CELF2: variants seen among roughly 807,000 people sequenced by gnomAD.
CELF2 encodes the protein CUGBP Elav-like family member 2, also known as CUG triplet repeat RNA-binding protein 2.
CELF2 carries 8 observed loss-of-function variants against 62.6 expected under a neutral mutation model. That is an observed-to-expected ratio of 0.13 (90% confidence interval 0.07 to 0.23). CELF2 has a LOEUF of 0.23. Among genes scored for constraint, CELF2 ranks in the 10% least tolerant of loss-of-function variants. CELF2 has a pLI of 1.00. For missense variants in CELF2, 333 were observed against 671.0 expected, an observed-to-expected ratio of 0.50 and a Z score of 5.56; for synonymous variants, 258 against 250.0, an observed-to-expected ratio of 1.03 and a Z score of -0.30.
the CELF2 span, among the ~76,000 whole-genome samples, chr10:10,778,493 A>G: frequency 1.8e-4 from 28 of 152,226 alleles, no homozygotes; most frequent in Non-Finnish European, 1.8e-4. Flanking sequence ...ATGGGAGCTC[A>G]AAAAATAAAT....
In CELF2 at chr10:11,197,015, A is replaced by AG. The variant is rs1565229804; in HGVS notation, c.272-20409dup. On this transcript the variant is annotated intron_variant, in intron 2 of 12. Transcript: ENST00000633077. ...AAAGGAAGGAAGGAGAAAGAAAGAA[A>AG]GAAAGAAAGAAAAGAAAGAAAGAAA... Among the ~76,000 whole-genome samples the AG allele has an allele frequency of 1.1e-3, 14 of 12,508 alleles. 1 individual carries two copies. The highest frequency in any genetic ancestry group is 7.0e-3 in the African/African-American group (14 of 1,996). The allele number at this position is 12,508 out of a possible 152,430, so 8.2% of individuals were successfully genotyped here.
At chr10:11,222,959 A>G (rs1589324113) in intron 3 of CELF2, among the ~76,000 whole-genome samples, 1 of 152,294 alleles carries the variant, frequency 6.6e-6, no homozygotes, top group East Asian at 1.9e-4. Flanking sequence ...ACACCTGTGG[A>G]TGTCAGTCCA....
the CELF2 span, among the ~76,000 whole-genome samples, chr10:10,685,845 T>A: frequency 0.23 from 34,730 of 152,070 alleles, 4,166 homozygotes; most frequent in South Asian, 0.43. Context: ...AAGCTGACAT[T>A]TAGAAGGTGT....
intron 1 of CELF2, among the ~76,000 whole-genome samples, chr10:10,899,361 T>C (rs1464560309): frequency 6.6e-6 from 1 of 152,014 alleles, no homozygotes; most frequent in Non-Finnish European, 1.5e-5. Flanking sequence ...AGTTTATGAA[T>C]ATAGAAAATG....
chr10:10,574,872 GTTTT>G, the CELF2 span, among the ~76,000 whole-genome samples: 19 of 106,010 alleles, frequency 1.8e-4, no homozygotes, highest in East Asian at 2.5e-3. Context: ...ACCATGCCTG[GTTTT>G]TTTTTTTTTT....
Position 11,243,474 on chromosome 10 carries a change from C to T in CELF2, c.355-5679C>T, listed in dbSNP as rs1000117609. 1.3e-5 allele frequency among the ~76,000 whole-genome samples: 2 copies of T among 152,082 alleles called. No individual in the cohort carries two copies. Among genetic ancestry groups the T allele is most frequent in the Non-Finnish European group, 2.9e-5 (2 of 68,010 alleles). ...GTGAACTTGAAGAAATGTGTGACATCCCGTTTACTCCCATCAACAGGATCT... is the reference window on the plus strand; with the variant it reads ...GTGAACTTGAAGAAATGTGTGACATTCCGTTTACTCCCATCAACAGGATCT... On this transcript the variant is annotated intron_variant, in intron 3 of 12. Transcript: ENST00000633077. This position sits in a 1 kb window ranked among gnomAD's most constrained non-coding sequence, Gnocchi z 4.1.
the CELF2 span, among the ~76,000 whole-genome samples, chr10:10,664,978 G>A: frequency 6.6e-6 from 1 of 152,160 alleles, no homozygotes; most frequent in Non-Finnish European, 1.5e-5. Flanking sequence ...GCAGTGTGAA[G>A]CCACTCAACA....
chr10:10,756,111 C>T, the CELF2 span, among the ~76,000 whole-genome samples: 1 of 152,146 alleles, frequency 6.6e-6, no homozygotes, highest in Non-Finnish European at 1.5e-5. Flanking sequence ...CACCAAGATT[C>T]ACTTTCTTCT....
chr10:11,035,508 C>G (rs1269539572), intron 1 of CELF2, among the ~76,000 whole-genome samples: 2 of 152,204 alleles, frequency 1.3e-5, no homozygotes, highest in Non-Finnish European at 2.9e-5. Context: ...AGGAAATGAT[C>G]TGATGATACT....
the CELF2 span, among the ~76,000 whole-genome samples, chr10:10,682,076 C>T: frequency 6.6e-6 from 1 of 152,220 alleles, no homozygotes; most frequent in East Asian, 1.9e-4. Context: ...CCTTCTTTAC[C>T]TCTCATTCAA....
At chr10:10,503,825 C>G in the CELF2 span, among the ~76,000 whole-genome samples, 1 of 151,350 alleles carries the variant, frequency 6.6e-6, no homozygotes, top group East Asian at 1.9e-4. Flanking sequence ...TTCTTTTCTT[C>G]TTGTGGATTA....
At chr10:11,067,955 C>T (rs1361595587) in intron 1 of CELF2, among the ~76,000 whole-genome samples, 1 of 152,218 alleles carries the variant, frequency 6.6e-6, no homozygotes, top group Non-Finnish European at 1.5e-5. Context: ...TAAATACTTC[C>T]TTCACTGTTG....
the CELF2 span, among the ~76,000 whole-genome samples, chr10:10,570,175 G>A: frequency 3.9e-5 from 6 of 152,200 alleles, no homozygotes; most frequent in Non-Finnish European, 2.9e-5. Context: ...GAGGGGAGCA[G>A]AGCAGCAATG....
chr10:11,115,215 TTTGA>T (rs1444988232), intron 1 of CELF2, among the ~76,000 whole-genome samples: 1 of 152,208 alleles, frequency 6.6e-6, no homozygotes, highest in Non-Finnish European at 1.5e-5. Context: ...TTCAACTTCG[TTTGA>T]TTGGTAACAC....
the CELF2 span, among the ~76,000 whole-genome samples, chr10:10,639,980 C>T: frequency 9.2e-5 from 14 of 152,148 alleles, no homozygotes; most frequent in Admixed American, 8.5e-4. Context: ...ACCTGCAATG[C>T]CTTCATCTAA....
intron 1 of CELF2, among the ~76,000 whole-genome samples, chr10:10,911,231 C>T (rs1412674398): frequency 3.9e-5 from 6 of 152,170 alleles, no homozygotes; most frequent in Non-Finnish European, 5.9e-5. Context: ...CAGCCAGGGC[C>T]GGATGGGCTC....
chr10:11,164,959 C>T (rs977723568), intron 1 of CELF2: 7 of 594,004 alleles, frequency 1.2e-5, no homozygotes, highest in Middle Eastern at 8.3e-4. Context: ...TGACGGACTG[C>T]CAAGTGTTTC....
chr10:10,505,127 T>C, the CELF2 span, among the ~76,000 whole-genome samples: 5 of 152,228 alleles, frequency 3.3e-5, no homozygotes, highest in African/African-American at 1.2e-4. Flanking sequence ...GACATTTTTG[T>C]CTTAATATGA....
At chr10:10,517,867 T>C in the CELF2 span, among the ~76,000 whole-genome samples, 2 of 152,222 alleles carry the variant, frequency 1.3e-5, no homozygotes, top group Non-Finnish European at 2.9e-5. Flanking sequence ...AATTATGTGG[T>C]TAATGTGCTA....
Sources: allele counts gnomAD v4.1 joint callset (sites outside exome capture counted in the v4.1 genomes callset), GRCh38; gene constraint gnomAD v4.1.1; non-coding constraint Gnocchi (gnomAD v3.1); transcripts MANE v1.5; gene names NCBI Gene and HGNC (gene_info 2026-07-23, HGNC 2026-07-21).